Variants in RBFOX1 observed in about 807,000 individuals in gnomAD.
RBFOX1 encodes RNA binding protein fox-1 homolog 1.
RBFOX1 carries 8 observed loss-of-function variants against 57.7 expected under a neutral mutation model. The ratio of observed to expected loss-of-function variants is 0.14; its 90% confidence interval spans 0.08 to 0.25. The LOEUF (loss-of-function observed/expected upper bound fraction) is 0.25, where lower values mean the gene tolerates loss of function less well. Among genes scored for constraint, RBFOX1 ranks in the 10% least tolerant of loss-of-function variants. RBFOX1 has a pLI of 1.00. For missense variants in RBFOX1, 611 were observed against 548.5 expected (o/e 1.11, Z -1.14); for synonymous variants, 326 against 222.4 (o/e 1.47, Z -4.15).
intron 4 of RBFOX1, among the ~76,000 whole-genome samples, chr16:7,336,519 C>G (rs1223580480): frequency 5.3e-5 from 8 of 152,246 alleles, no homozygotes; most frequent in African/African-American, 1.9e-4. Flanking sequence ...TATCCATTCA[C>G]TGTATACTCA....
At chr16:5,688,939 T>C (rs1056747772) in intron 3 of RBFOX1, among the ~76,000 whole-genome samples, 2 of 152,154 alleles carry the variant, frequency 1.3e-5, no homozygotes, top group African/African-American at 4.8e-5. Context: ...ATGTGGCCAC[T>C]AACGCCAGGG....
At chr16:7,437,782 G>A (rs1166401318) in intron 4 of RBFOX1, among the ~76,000 whole-genome samples, 1 of 151,990 alleles carries the variant, frequency 6.6e-6, no homozygotes, top group African/African-American at 2.4e-5. Context: ...ATAATCTTGT[G>A]GAAGGCAAAC....
intron 3 of RBFOX1, among the ~76,000 whole-genome samples, chr16:6,866,541 A>ATTTTTTTTTC (rs2059948217): frequency 1.3e-5 from 1 of 78,886 alleles, no homozygotes. Flanking sequence ...CTTTCCTTCT[A>ATTTTTTTTTC]TTTTTTTTTT....
intron 2 of RBFOX1, among the ~76,000 whole-genome samples, chr16:6,603,742 C>T (rs1197471783): frequency 6.6e-6 from 1 of 152,168 alleles, no homozygotes; most frequent in Non-Finnish European, 1.5e-5. Context: ...GATTGCTGGA[C>T]ATCAGGATGG....
chr16:5,345,137 T>G (rs1027726460), intron 1 of RBFOX1, among the ~76,000 whole-genome samples: 1 of 152,128 alleles, frequency 6.6e-6, no homozygotes, highest in Non-Finnish European at 1.5e-5. Context: ...CTCGACCCTC[T>G]GTGAACTGCT....
At chr16:6,646,817 AAG>A (rs2098538284) in intron 2 of RBFOX1, among the ~76,000 whole-genome samples, 1 of 152,096 alleles carries the variant, frequency 6.6e-6, no homozygotes, top group Admixed American at 6.6e-5. Context: ...AGTTTTTAGT[AAG>A]AGTGAGGGGT....
intron 3 of RBFOX1, among the ~76,000 whole-genome samples, chr16:6,950,705 C>T (rs1339947952): frequency 6.6e-6 from 1 of 152,006 alleles, no homozygotes; most frequent in Non-Finnish European, 1.5e-5. Context: ...AAAAGAGTTG[C>T]TTAGGAGAAC....
intron 3 of RBFOX1, among the ~76,000 whole-genome samples, chr16:6,926,379 C>T (rs894678457): frequency 4.6e-5 from 7 of 152,150 alleles, no homozygotes; most frequent in African/African-American, 1.4e-4. Flanking sequence ...AGGAGACCCG[C>T]CTGCAGAAAG....
At chr16:7,034,707 A>C (rs942937080) in intron 3 of RBFOX1, among the ~76,000 whole-genome samples, 1 of 151,700 alleles carries the variant, frequency 6.6e-6, no homozygotes, top group East Asian at 1.9e-4. Context: ...TTCAGTGAGG[A>C]CACCTCACAT....
At chr16:6,397,116 A>C (rs1436303299) in intron 2 of RBFOX1, among the ~76,000 whole-genome samples, 2 of 152,220 alleles carry the variant, frequency 1.3e-5, no homozygotes, top group Non-Finnish European at 2.9e-5. Flanking sequence ...AAGAGGAAGG[A>C]GAAGATAATG....
At chr16:5,417,487 A>G (rs1187403257) in intron 1 of RBFOX1, among the ~76,000 whole-genome samples, 1 of 152,118 alleles carries the variant, frequency 6.6e-6, no homozygotes, top group African/African-American at 2.4e-5. Context: ...AAGGTGGTGT[A>G]GATAAGGTGC....
chr16:5,522,797 T>C (rs2044072434), intron 2 of RBFOX1, among the ~76,000 whole-genome samples: 1 of 152,212 alleles, frequency 6.6e-6, no homozygotes, highest in Admixed American at 6.5e-5. Context: ...GTCACGTTTG[T>C]CTTTCTGTGC....
intron 4 of RBFOX1, among the ~76,000 whole-genome samples, chr16:7,442,352 G>C (rs1172764021): frequency 6.6e-6 from 1 of 152,092 alleles, no homozygotes; most frequent in Non-Finnish European, 1.5e-5. Context: ...GCACACAAAG[G>C]AGAAGACAGA....
intron 4 of RBFOX1, among the ~76,000 whole-genome samples, chr16:7,286,523 C>G (rs1227445482): frequency 6.8e-6 from 1 of 148,076 alleles, no homozygotes; most frequent in Non-Finnish European, 1.5e-5. Context: ...CATCTCAGCT[C>G]ACTGCAGCCT....
At chr16:5,240,342 C>T (rs1185638483) in intron 1 of RBFOX1, among the ~76,000 whole-genome samples, 2 of 152,082 alleles carry the variant, frequency 1.3e-5, no homozygotes, top group Non-Finnish European at 2.9e-5. Context: ...CCAGGAGCCC[C>T]GTTGGACTCT....
Position 5,750,919 on chromosome 16 carries a change from G to T in RBFOX1, c.319-116384G>T, listed in dbSNP as rs372809400. On this transcript the variant is annotated intron_variant, in intron 3 of 19. Transcript: ENST00000641259. Reference sequence around the variant, plus strand: ...CCCAGTGAGATGAACCCGGTACTGGGAAATTCAGAAATTACCTGTCTTCTG... The same window carrying T: ...CCCAGTGAGATGAACCCGGTACTGGTAAATTCAGAAATTACCTGTCTTCTG... 9.2e-5 allele frequency among the ~76,000 whole-genome samples: 14 copies of T among 152,316 alleles called. No homozygotes were observed. The South Asian group carries it at 2.1e-3, about 23-fold the overall frequency.
chr16:5,980,062 C>G (rs971523316), intron 4 of RBFOX1, among the ~76,000 whole-genome samples: 1 of 152,204 alleles, frequency 6.6e-6, no homozygotes, highest in Non-Finnish European at 1.5e-5. Flanking sequence ...ATCAGCTCCA[C>G]CCTCCTCCCT....
chr16:6,884,288 T>C (rs2063529689), intron 3 of RBFOX1, among the ~76,000 whole-genome samples: 1 of 152,168 alleles, frequency 6.6e-6, no homozygotes, highest in Non-Finnish European at 1.5e-5. Context: ...CTCTGGGTAC[T>C]GTGAAGCAAC....
chr16:7,083,068 A>G (rs1427152959), intron 4 of RBFOX1, among the ~76,000 whole-genome samples: 2 of 152,154 alleles, frequency 1.3e-5, no homozygotes, highest in East Asian at 1.9e-4. Flanking sequence ...GTGACAATAA[A>G]TAGAAAATGT....
Sources: allele counts gnomAD v4.1 joint callset (sites outside exome capture counted in the v4.1 genomes callset), GRCh38; gene constraint gnomAD v4.1.1; transcripts MANE v1.5; gene names NCBI Gene and HGNC (gene_info 2026-07-23, HGNC 2026-07-21).